Variants in MYRFL observed in about 807,000 individuals in gnomAD.
MYRFL encodes myelin regulatory factor-like protein.
MYRFL carries 88 observed loss-of-function variants against 109.4 expected under a neutral mutation model. The observed-to-expected ratio is 0.80, with a 90% confidence interval of 0.68 to 0.96. The LOEUF (loss-of-function observed/expected upper bound fraction) is 0.96, where lower values mean the gene tolerates loss of function less well. MYRFL is among the 40% of genes least tolerant of loss of function. MYRFL has a pLI of 0.00. For synonymous variants in MYRFL, 324 were observed against 320.9 expected, an observed-to-expected ratio of 1.01 and a Z score of -0.10; for missense variants, 957 against 954.9, an observed-to-expected ratio of 1.00 and a Z score of -0.03.
At chr12:69,915,488 A>C (rs1348180601) in intron 13 of MYRFL, among the ~76,000 whole-genome samples, 1 of 152,206 alleles carries the variant, frequency 6.6e-6, no homozygotes, top group Non-Finnish European at 1.5e-5. Context: ...CCTGATGCCA[A>C]AATAGGAAAA....
At chr12:69,858,657 A>G (rs959653738) in intron 2 of MYRFL, among the ~76,000 whole-genome samples, 58 of 151,858 alleles carry the variant, frequency 3.8e-4, no homozygotes, top group African/African-American at 1.4e-3. Context: ...TTTTTTATTA[A>G]CCTTTTAATC....
Position 69,936,435 on chromosome 12 carries a change from C to G in MYRFL, c.2045-18C>G, listed in dbSNP as rs998998210. 2.0e-6 allele frequency: 3 copies of G among 1,532,248 alleles called. No homozygotes were observed. The highest frequency in any genetic ancestry group is 1.2e-5 in the South Asian group (1 of 83,674). 94.9% of individuals were successfully genotyped at this position (1,532,248 alleles called of 1,614,324 possible). A position where few individuals can be genotyped will look rare whatever the true frequency, so the allele number is the denominator to read the frequency against. On this transcript the variant is annotated intron_variant, in intron 18 of 24. Coordinates refer to ENST00000552032, the MANE Select transcript of MYRFL (RefSeq NM_182530.3). ...TTAACCTTCTTGCTTCCCCTCCCCC[C>G]TGCCCAATGCCTTGCAGCACCTAAT...
chr12:69,938,662 A>G (rs1204198285), intron 19 of MYRFL, among the ~76,000 whole-genome samples: 1 of 152,226 alleles, frequency 6.6e-6, no homozygotes, highest in Non-Finnish European at 1.5e-5. Context: ...AAGTAAAAAA[A>G]AATTTTAAAT....
chr12:69,930,670 T>C (rs1450390082), intron 15 of MYRFL, among the ~76,000 whole-genome samples: 1 of 151,812 alleles, frequency 6.6e-6, no homozygotes, highest in Non-Finnish European at 1.5e-5. Context: ...AATTAAAAAA[T>C]TAACTGGGTT....
At chr12:69,850,682 T>A (rs960137330) in intron 1 of MYRFL, among the ~76,000 whole-genome samples, 2 of 152,294 alleles carry the variant, frequency 1.3e-5, no homozygotes, top group South Asian at 4.1e-4. Flanking sequence ...TATATTATTT[T>A]TTCTTTGTCA....
chr12:69,837,173 G>C (rs1331716399), intron 1 of MYRFL, among the ~76,000 whole-genome samples: 3 of 152,186 alleles, frequency 2.0e-5, no homozygotes, highest in Admixed American at 1.3e-4. Context: ...CGCCTACCCA[G>C]AGGGAAGAGC....
intron 24 of MYRFL, 32 bp from the exon 25 acceptor site, chr12:69,958,413 T>C: frequency 1.3e-6 from 2 of 1,505,248 alleles, no homozygotes; most frequent in Non-Finnish European, 1.8e-6. Flanking sequence ...TTTACATTAA[T>C]CTTCCTTTTT....
intron 5 of MYRFL, among the ~76,000 whole-genome samples, chr12:69,881,474 A>C (rs1886102682): frequency 6.6e-6 from 1 of 152,186 alleles, no homozygotes; most frequent in Non-Finnish European, 1.5e-5. Context: ...GCTTCACCTG[A>C]GTGGGAAAAA....
chr12:69,956,418 A>G (rs1319976342), intron 22 of MYRFL, among the ~76,000 whole-genome samples: 1 of 152,164 alleles, frequency 6.6e-6, no homozygotes, highest in African/African-American at 2.4e-5. Context: ...ACCTATTCTT[A>G]TCAGATATTT....
chr12:69,846,587 C>T (rs1029863479), intron 1 of MYRFL, among the ~76,000 whole-genome samples: 6 of 151,944 alleles, frequency 3.9e-5, no homozygotes, highest in African/African-American at 1.5e-4. Flanking sequence ...TTTCTTAATC[C>T]AGTCTATCAT....
chr12:69,945,677 T>C (rs1000106434), intron 19 of MYRFL, among the ~76,000 whole-genome samples: 2 of 152,096 alleles, frequency 1.3e-5, no homozygotes, highest in Non-Finnish European at 2.9e-5. Flanking sequence ...TCTGTGACAA[T>C]ACAGAATTTT....
chr12:69,891,115 G>A lies in MYRFL; in HGVS notation c.852G>A (p.Glu284=), dbSNP rs1886773015. Residue 284 remains glutamate (E), a synonymous_variant, in exon 7 of 25, where the codon GAG becomes GAA. Transcript: ENST00000552032. ...GAAGTCCAAAATTTGTTGAAACCGA[G>A]ATGGGCCTAAAGCCAATAGAAATGT... ...VWGSPKFVET[E]MGLKPIEMFY... is the part of the protein sequence containing the mutation. 1 of 1,534,798 alleles carries A rather than the reference G, an allele frequency of 6.5e-7. No homozygotes were observed. Among genetic ancestry groups the A allele is most frequent in the African/African-American group, 1.4e-5 (1 of 73,114 alleles).
intron 1 of MYRFL, among the ~76,000 whole-genome samples, chr12:69,848,580 T>A (rs532527890): frequency 2.6e-5 from 4 of 152,274 alleles, no homozygotes; most frequent in African/African-American, 9.6e-5. Context: ...TTTTTATACA[T>A]TACTTTTGTG....
intron 6 of MYRFL, among the ~76,000 whole-genome samples, chr12:69,888,138 A>G (rs180890606): frequency 5.9e-4 from 90 of 152,344 alleles, no homozygotes; most frequent in South Asian, 1.0e-3. Flanking sequence ...TGAACAGCCT[A>G]TCTTGGCTCC....
chr12:69,862,536 T>G (rs1459017491), intron 2 of MYRFL, among the ~76,000 whole-genome samples: 2 of 150,426 alleles, frequency 1.3e-5, no homozygotes, highest in Non-Finnish European at 3.0e-5. Context: ...TCACTCATGA[T>G]TTGGCTCTCC....
intron 19 of MYRFL, among the ~76,000 whole-genome samples, chr12:69,948,689 A>G (rs1225516769): frequency 1.3e-5 from 2 of 151,216 alleles, no homozygotes; most frequent in African/African-American, 4.8e-5. Flanking sequence ...TTTTGGCAGC[A>G]TATGTGTTTA....
chr12:69,932,060 C>A (rs1214198081), intron 15 of MYRFL, among the ~76,000 whole-genome samples: 3 of 152,118 alleles, frequency 2.0e-5, no homozygotes, highest in Non-Finnish European at 2.9e-5. Flanking sequence ...TCTATAAAAA[C>A]CTTTTTCATA....
intron 2 of MYRFL, among the ~76,000 whole-genome samples, chr12:69,861,670 T>G (rs1036271500): frequency 9.2e-5 from 14 of 152,220 alleles, no homozygotes; most frequent in Non-Finnish European, 1.6e-4. Context: ...ATGAATAGGT[T>G]GTGAAAATTT....
In MYRFL at chr12:69,879,254, C is replaced by A; in HGVS notation, c.265C>A (p.Pro89Thr). 1 of 702,918 alleles carries A rather than the reference C, an allele frequency of 1.4e-6. No individual in the cohort carries two copies. The highest frequency in any genetic ancestry group is 2.7e-5 in the East Asian group (1 of 37,270). 43.5% of individuals were successfully genotyped at this position (702,918 alleles called of 1,614,324 possible). Residue 89 changes from proline (P) to threonine (T), a missense_variant, in exon 4 of 25, where the codon CCC becomes ACC. By Grantham distance (38) the Pro-to-Thr change is conservative (BLOSUM62 -1). Transcript: ENST00000552032. ...GAGGACTCCAGCTCCTTTTCTCCAC[C>A]CCACAGCTGCTCCTGCGATGCCGCC... ...AGRTPAPFLH[P>T]TAAPAMPPMH...
Sources: allele counts gnomAD v4.1 joint callset (sites outside exome capture counted in the v4.1 genomes callset), GRCh38; gene constraint gnomAD v4.1.1; transcripts MANE v1.5; gene names NCBI Gene and HGNC (gene_info 2026-07-23, HGNC 2026-07-21).